The following HCRTR2 variants were observed in gnomAD, a reference collection of about 807,000 sequenced individuals.
HCRTR2 encodes the protein orexin receptor type 2.
In HCRTR2, 22 loss-of-function variants were observed where a neutral mutation model predicts 49.0. That is an observed-to-expected ratio of 0.45 (90% CI 0.32 to 0.64). HCRTR2 has a LOEUF of 0.64. Among genes scored for constraint, HCRTR2 ranks in the 30% least tolerant of loss-of-function variants. The pLI is 0.04. For synonymous variants in HCRTR2, 236 were observed against 205.3 expected (o/e 1.15, Z -1.28); for missense variants, 491 against 559.4 (o/e 0.88, Z 1.23).
upstream of HCRTR2, among the ~76,000 whole-genome samples, chr6:55,172,929 G>A (rs528338040): frequency 1.1e-4 from 16 of 152,196 alleles, no homozygotes; most frequent in Admixed American, 7.8e-4. Flanking sequence ...AAAGAATAAT[G>A]TACTTTTTGC....
At chr6:55,283,441 A>G (rs1319084662), downstream of HCRTR2, among the ~76,000 whole-genome samples, 1 of 151,726 alleles carries the variant, frequency 6.6e-6, no homozygotes, top group Non-Finnish European at 1.5e-5. Context: ...TTTTTTCTTC[A>G]ATTTAATTAC....
At chr6:55,152,076 G>A (rs12208993) in intron 1 of HCRTR2, among the ~76,000 whole-genome samples, 25,152 of 151,830 alleles carry the variant, frequency 0.17, 2,261 homozygotes, top group East Asian at 0.28. Context: ...CACAAGCAGA[G>A]TAGGTTTAGC....
At chr6:55,263,056 A>C (rs1413190432) in intron 3 of HCRTR2, among the ~76,000 whole-genome samples, 4 of 151,380 alleles carry the variant, frequency 2.6e-5, no homozygotes, top group African/African-American at 9.7e-5. Flanking sequence ...AAGTATATAC[A>C]TGTATTTTTA....
chr6:55,278,565 G>A (rs1767124069), intron 5 of HCRTR2, among the ~76,000 whole-genome samples: 1 of 152,048 alleles, frequency 6.6e-6, no homozygotes, highest in African/African-American at 2.4e-5. Context: ...CAATGGAGAA[G>A]AAATGGAGAA....
chr6:55,187,345 G>A (rs757182044), intron 1 of HCRTR2, among the ~76,000 whole-genome samples: 8 of 140,232 alleles, frequency 5.7e-5, no homozygotes, highest in Non-Finnish European at 1.1e-4. Context: ...CCCGGGAGAC[G>A]GAGGTTGCAG....
At chr6:55,187,682 C>CTTTTTTTTTTTTTT (rs5876430) in intron 1 of HCRTR2, among the ~76,000 whole-genome samples, 4 of 102,222 alleles carry the variant, frequency 3.9e-5, no homozygotes, top group African/African-American at 7.5e-5. Flanking sequence ...ATTATTTGAT[C>CTTTTTTTTTTTTTT]TTTTTTTTTT....
intron 1 of HCRTR2, among the ~76,000 whole-genome samples, chr6:55,116,135 A>G (rs1764112737): frequency 6.6e-6 from 1 of 151,610 alleles, no homozygotes; most frequent in Admixed American, 6.6e-5. Flanking sequence ...CCAAAGAGAA[A>G]CAGAATTATA....
chr6:55,138,213 AT>A (rs138267111), intron 1 of HCRTR2, among the ~76,000 whole-genome samples: 3,605 of 151,746 alleles, frequency 0.024, 122 homozygotes, highest in African/African-American at 0.074. Context: ...AGAATAGTTA[AT>A]TTTTTTTTGT....
intron 1 of HCRTR2, among the ~76,000 whole-genome samples, chr6:55,121,388 A>C (rs957478522): frequency 6.6e-6 from 1 of 151,848 alleles, no homozygotes; most frequent in Admixed American, 6.6e-5. Flanking sequence ...AGATGATGGG[A>C]TTTTCTAGAT....
intron 1 of HCRTR2, among the ~76,000 whole-genome samples, chr6:55,240,219 G>A (rs918151718): frequency 6.6e-6 from 1 of 151,596 alleles, no homozygotes; most frequent in Non-Finnish European, 1.5e-5. Flanking sequence ...TTAGCCAGGC[G>A]CGGTGGCGGG....
At chr6:55,136,135 T>C (rs1359817522) in intron 1 of HCRTR2, among the ~76,000 whole-genome samples, 1 of 152,170 alleles carries the variant, frequency 6.6e-6, no homozygotes, top group Non-Finnish European at 1.5e-5. Context: ...TCTCATACTC[T>C]CTTAACACAA....
At chr6:55,141,266 C>A (rs546200430) in intron 1 of HCRTR2, among the ~76,000 whole-genome samples, 11 of 151,976 alleles carry the variant, frequency 7.2e-5, no homozygotes, top group African/African-American at 2.7e-4. Context: ...AATGCGTGAA[C>A]CCAGGAGGCA....
intron 2 of HCRTR2, among the ~76,000 whole-genome samples, chr6:55,249,212 T>C (rs1766503861): frequency 6.6e-6 from 1 of 152,136 alleles, no homozygotes; most frequent in South Asian, 2.1e-4. Context: ...CAATTAATGA[T>C]CTCCCCAAAC....
At chr6:55,213,511 T>C (rs956445671) in intron 1 of HCRTR2, among the ~76,000 whole-genome samples, 8 of 152,134 alleles carry the variant, frequency 5.3e-5, no homozygotes, top group Admixed American at 2.0e-4. Context: ...GGAAAAAATT[T>C]ACTTTCTGAG....
intron 5 of HCRTR2, 123 bp from the exon 6 acceptor site, chr6:55,280,200 C>G: frequency 1.4e-6 from 1 of 691,436 alleles, no homozygotes; most frequent in South Asian, 1.8e-5. Flanking sequence ...GGTCAGAAAC[C>G]AATCTGTGGT....
intron 1 of HCRTR2, among the ~76,000 whole-genome samples, chr6:55,156,474 C>G (rs986135409): frequency 6.6e-6 from 1 of 151,870 alleles, no homozygotes; most frequent in African/African-American, 2.4e-5. Context: ...AACAGTAAAA[C>G]TGGAATTAAA....
In HCRTR2 at chr6:55,263,799, T is replaced by C; in HGVS notation, c.739T>C (p.Phe247Leu). 6 of 1,609,902 alleles carry C rather than the reference T, an allele frequency of 3.7e-6. No individual in the cohort carries two copies. Among genetic ancestry groups the C allele is most frequent in the Non-Finnish European group, 5.1e-6 (6 of 1,176,594 alleles). Residue 247 changes from phenylalanine (F) to leucine (L), a missense_variant, in exon 4 of 7, where the codon TTT (phenylalanine) becomes CTT (leucine). Transcript: ENST00000370862. ...CATGGTGTTGGCTTATCTGCAAATA[T>C]TTCGCAAACTCTGGTGTCGACAGGT... Reference protein sequence around the residue: ...CLMVLAYLQIFRKLWCRQIPG... With the variant: ...CLMVLAYLQILRKLWCRQIPG...
chr6:55,114,929 T>C (rs1256895977), intron 1 of HCRTR2, among the ~76,000 whole-genome samples: 1 of 151,708 alleles, frequency 6.6e-6, no homozygotes, highest in Non-Finnish European at 1.5e-5. Flanking sequence ...AGCAAGGTTT[T>C]CACTACCAAA....
chr6:55,191,152 A>G (rs1454931962), intron 1 of HCRTR2, among the ~76,000 whole-genome samples: 1 of 152,204 alleles, frequency 6.6e-6, no homozygotes, highest in Non-Finnish European at 1.5e-5. Flanking sequence ...TTTCCTAGTA[A>G]CAACTTTGAA....
Sources: allele counts gnomAD v4.1 joint callset (sites outside exome capture counted in the v4.1 genomes callset), GRCh38; gene constraint gnomAD v4.1.1; transcripts MANE v1.5; gene names NCBI Gene and HGNC (gene_info 2026-07-23, HGNC 2026-07-21).